The following EPHA6 variants were observed in gnomAD, a reference collection of about 807,000 sequenced individuals.
EPHA6 encodes ephrin type-A receptor 6.
EPHA6 carries 50 observed loss-of-function variants against 112.0 expected under a neutral mutation model. That is an observed-to-expected ratio of 0.45 (90% CI 0.36 to 0.56). EPHA6 has a LOEUF of 0.56. Ranked by LOEUF, EPHA6 falls within the 20% of genes least tolerant of loss-of-function variation. EPHA6 has a pLI of 0.00. For synonymous variants in EPHA6, 529 were observed against 490.7 expected, an observed-to-expected ratio of 1.08 and a Z score of -1.03; for missense variants, 1,280 against 1,417.4, an observed-to-expected ratio of 0.90 and a Z score of 1.56.
chr3:96,965,009 T>C (rs1030553580), intron 2 of EPHA6, among the ~76,000 whole-genome samples: 25 of 152,098 alleles, frequency 1.6e-4, no homozygotes, highest in African/African-American at 6.0e-4. Context: ...GAAAAAAATA[T>C]AGACAAGTAA....
At chr3:97,010,716 G>A (rs1362834964) in intron 3 of EPHA6, among the ~76,000 whole-genome samples, 2 of 151,926 alleles carry the variant, frequency 1.3e-5, no homozygotes, top group South Asian at 2.1e-4. Context: ...GCTGGAGTGC[G>A]GTAGCGATCT....
At chr3:97,299,389 A>G (rs1460757873) in intron 5 of EPHA6, among the ~76,000 whole-genome samples, 1 of 152,158 alleles carries the variant, frequency 6.6e-6, no homozygotes, top group East Asian at 1.9e-4. Flanking sequence ...TTAGGTTGAC[A>G]CCAGATGCTC....
intron 3 of EPHA6, among the ~76,000 whole-genome samples, chr3:97,099,891 T>C (rs1390227414): frequency 6.6e-6 from 1 of 152,040 alleles, no homozygotes; most frequent in Non-Finnish European, 1.5e-5. Flanking sequence ...TTTACACTAA[T>C]GAGACTTTCT....
chr3:97,134,494 A>C (rs2075719304), intron 3 of EPHA6, among the ~76,000 whole-genome samples: 1 of 152,112 alleles, frequency 6.6e-6, no homozygotes, highest in Non-Finnish European at 1.5e-5. Context: ...AATTGAGAGA[A>C]ATCAAGAGTC....
At chr3:97,187,641 A>G (rs535159964) in intron 3 of EPHA6, among the ~76,000 whole-genome samples, 166 of 146,448 alleles carry the variant, frequency 1.1e-3, no homozygotes, top group African/African-American at 4.2e-3. Context: ...AGAAAGAAAA[A>G]GAGAGAGAGA....
intron 13 of EPHA6, among the ~76,000 whole-genome samples, chr3:97,626,677 G>C (rs2093859790): frequency 6.6e-6 from 1 of 151,962 alleles, no homozygotes; most frequent in South Asian, 2.1e-4. Flanking sequence ...AATGTGGCCA[G>C]AAAGTAGGGT....
Position 97,652,072 on chromosome 3 carries a change from C to T in EPHA6, c.2784+13990C>T, listed in dbSNP as rs528406126. ...GTCAATGCATACTCCATGTTTTGCT[C>T]CCACTTAAAATAACATACCTGCTGA... is the stretch of plus-strand genomic sequence containing the variant. On this transcript the variant is annotated intron_variant, in intron 14 of 17. Coordinates refer to ENST00000389672, the MANE Select transcript of EPHA6 (RefSeq NM_001080448.3). 4.6e-5 allele frequency among the ~76,000 whole-genome samples: 7 copies of T among 152,086 alleles called. No individual in the cohort carries two copies. The South Asian group carries it at 1.5e-3, about 32-fold the overall frequency.
chr3:97,614,184 T>C (rs919306577), intron 13 of EPHA6, among the ~76,000 whole-genome samples: 3 of 152,110 alleles, frequency 2.0e-5, no homozygotes, highest in African/African-American at 4.8e-5. Flanking sequence ...AAATGCCACA[T>C]GTCAACCACA....
At chr3:97,005,998 G>A (rs933035198) in intron 3 of EPHA6, among the ~76,000 whole-genome samples, 4 of 152,172 alleles carry the variant, frequency 2.6e-5, no homozygotes, top group Non-Finnish European at 5.9e-5. Context: ...GTTTGTTGAT[G>A]TGCTGCTGGA....
chr3:96,901,656 G>A (rs1361613165), intron 2 of EPHA6, among the ~76,000 whole-genome samples: 2 of 152,078 alleles, frequency 1.3e-5, no homozygotes, highest in Admixed American at 1.3e-4. Flanking sequence ...TGGTGTGTTG[G>A]TCCTTAGGTT....
chr3:97,689,773 T>C (rs188243506), intron 14 of EPHA6, among the ~76,000 whole-genome samples: 37 of 152,202 alleles, frequency 2.4e-4, no homozygotes, highest in Non-Finnish European at 4.4e-4. Context: ...CCCCTAAAAA[T>C]CTCATACCCA....
At chr3:97,335,940 A>G (rs1290539052) in intron 5 of EPHA6, among the ~76,000 whole-genome samples, 2 of 152,016 alleles carry the variant, frequency 1.3e-5, no homozygotes, top group Non-Finnish European at 2.9e-5. Flanking sequence ...CAGTTCCCGC[A>G]TGGGAGCCAC....
intron 14 of EPHA6, among the ~76,000 whole-genome samples, chr3:97,699,653 T>A (rs1464719934): frequency 6.6e-6 from 1 of 152,092 alleles, no homozygotes; most frequent in Non-Finnish European, 1.5e-5. Context: ...GATAAACAGT[T>A]CCCAAGTCCA....
intron 5 of EPHA6, among the ~76,000 whole-genome samples, chr3:97,293,752 G>A (rs879745011): frequency 6.6e-5 from 10 of 152,196 alleles, no homozygotes; most frequent in Non-Finnish European, 4.4e-5. Flanking sequence ...CTCACAGGAG[G>A]GGTTTCACTG....
At chr3:97,343,384 C>T (rs568940074) in intron 5 of EPHA6, among the ~76,000 whole-genome samples, 2 of 152,042 alleles carry the variant, frequency 1.3e-5, no homozygotes, top group South Asian at 2.1e-4. Flanking sequence ...TGAAGCGGCA[C>T]CTTGGTTTTT....
intron 3 of EPHA6, among the ~76,000 whole-genome samples, chr3:96,991,133 G>A (rs2043200917): frequency 6.6e-6 from 1 of 151,960 alleles, no homozygotes; most frequent in Admixed American, 6.6e-5. Flanking sequence ...GTGATTGCAG[G>A]GGTGAGCCAC....
intron 2 of EPHA6, among the ~76,000 whole-genome samples, chr3:96,953,031 T>A (rs1454464031): frequency 6.6e-6 from 1 of 152,118 alleles, no homozygotes; most frequent in Non-Finnish European, 1.5e-5. Flanking sequence ...TTTTAAAAAA[T>A]TAAAACATTT....
At chr3:97,038,148 G>A (rs77295472) in intron 3 of EPHA6, among the ~76,000 whole-genome samples, 2 of 151,792 alleles carry the variant, frequency 1.3e-5, no homozygotes, top group African/African-American at 4.8e-5. Flanking sequence ...TTATCTTTTC[G>A]TTATGCTAGG....
intron 3 of EPHA6, among the ~76,000 whole-genome samples, chr3:97,143,959 G>C (rs2075974805): frequency 6.6e-6 from 1 of 151,696 alleles, no homozygotes. Flanking sequence ...ATTCTCAACT[G>C]TCTAGGGAGT....
Sources: gnomAD v4.1 joint callset for allele counts (sites outside exome capture counted in the v4.1 genomes callset) on GRCh38, gnomAD v4.1.1 for gene constraint, MANE v1.5 for transcripts, NCBI Gene and HGNC (gene_info 2026-07-23, HGNC 2026-07-21) for gene names.